Variants in SUPT7L observed in about 807,000 individuals in gnomAD.
SUPT7L encodes STAGA complex 65 subunit gamma.
SUPT7L carries 15 observed loss-of-function variants against 35.7 expected under a neutral mutation model. That is an observed-to-expected ratio of 0.42 (90% CI 0.28 to 0.65). The LOEUF is 0.65. Among genes scored for constraint, SUPT7L ranks in the 30% least tolerant of loss-of-function variants. SUPT7L has a pLI of 0.23. For missense variants in SUPT7L, 434 were observed against 522.2 expected, an observed-to-expected ratio of 0.83 and a Z score of 1.65; for synonymous variants, 168 against 186.2, an observed-to-expected ratio of 0.90 and a Z score of 0.79.
chr2:27,661,692 G>T, intron 2 of SUPT7L: 1 of 1,208,006 alleles, frequency 8.3e-7, no homozygotes, highest in Non-Finnish European at 1.0e-6. Flanking sequence ...GGTAGAATTT[G>T]GGTCATTAGT....
rs777380887 is a variant in SUPT7L, at chr2:27,653,723, AGAG to A, written c.1004_1006del (p.Pro335del). The A allele has an allele frequency of 9.3e-6, 15 of 1,614,098 alleles. No individual in the cohort carries two copies. The East Asian group carries it at 1.3e-4, about 14-fold the overall frequency. On this transcript the variant is annotated inframe_deletion, in exon 6 of 6. Coordinates refer to ENST00000337768, the MANE Select transcript of SUPT7L (RefSeq NM_014860.3). The stretch of plus-strand genomic sequence containing the variant: ...CATTTTCACATGGGCCAGATTCCAA[AGAG>A]GAGAAGCATTTACCTCTGCACCTAG...
At position 27,653,318 on chromosome 2, in the gene SUPT7L, A is replaced by G; in HGVS notation, c.*167T>C. On this transcript the variant is annotated 3_prime_UTR_variant, in exon 6 of 6. Coordinates refer to ENST00000337768, the MANE Select transcript of SUPT7L (RefSeq NM_014860.3). ...GAAAACTATAAAAACTGGATGCAAA[A>G]GTAAAATGCAACCTTGTTTGGTGAC... 1.0e-6 allele frequency: 1 copy of G among 990,892 alleles called. No individual in the cohort carries two copies. Among genetic ancestry groups the G allele is most frequent in the African/African-American group, 1.6e-5 (1 of 61,552 alleles). The allele number at this position is 990,892 out of a possible 1,614,324, so 61.4% of individuals were successfully genotyped here. A position where few individuals can be genotyped will look rare whatever the true frequency, so the allele number is the denominator to read the frequency against.
the SUPT7L span, among the ~76,000 whole-genome samples, chr2:27,642,958 T>TATATAC: frequency 3.4e-3 from 414 of 122,638 alleles, 2 homozygotes; most frequent in African/African-American, 7.6e-3. Flanking sequence ...TATATATATA[T>TATATAC]ACACACACAC....
intron 4 of SUPT7L, among the ~76,000 whole-genome samples, chr2:27,656,163 GAAAA>G (rs1413888027): frequency 6.6e-6 from 1 of 151,842 alleles, no homozygotes; most frequent in Non-Finnish European, 1.5e-5. Context: ...TAAAAAAAGG[GAAAA>G]AAAAGTTGAC....
chr2:27,645,889 C>T (rs532406805), downstream of SUPT7L, among the ~76,000 whole-genome samples: 7 of 151,872 alleles, frequency 4.6e-5, no homozygotes, highest in South Asian at 1.2e-3. Flanking sequence ...GCCACCATGC[C>T]GGGCTAAATT....
At chr2:27,660,746 C>T (rs926258633) in intron 3 of SUPT7L, among the ~76,000 whole-genome samples, 1 of 152,006 alleles carries the variant, frequency 6.6e-6, no homozygotes. Context: ...TACCCTGCTC[C>T]TAGTAAAGTG....
At chr2:27,656,868 G>A (rs1389896890) in intron 4 of SUPT7L, among the ~76,000 whole-genome samples, 1 of 152,192 alleles carries the variant, frequency 6.6e-6, no homozygotes, top group South Asian at 2.1e-4. Context: ...TGAACTCCTG[G>A]CCTCAAGCAA....
At position 27,657,265 on chromosome 2, in the gene SUPT7L, G is replaced by C; in HGVS notation, c.744+80C>G. On this transcript the variant is annotated intron_variant, in intron 4 of 5. Coordinates refer to ENST00000337768, the MANE Select transcript of SUPT7L (RefSeq NM_014860.3). The surrounding 1 kb of genome is among the most constrained non-coding windows in gnomAD (Gnocchi z 5.2). Reference sequence around the variant, plus strand: ...CCAAGACTCTGTGCTCTGCACTCTAGACCAAGTGTTGTGGGATCCTGCTGA... The same window carrying C: ...CCAAGACTCTGTGCTCTGCACTCTACACCAAGTGTTGTGGGATCCTGCTGA... 1 of 1,474,852 alleles carries C rather than the reference G, an allele frequency of 6.8e-7. No homozygotes were observed. Among genetic ancestry groups the C allele is most frequent in the South Asian group, 1.3e-5 (1 of 78,142 alleles). The allele number at this position is 1,474,852 out of a possible 1,614,324, so 91.4% of individuals were successfully genotyped here. A position where few individuals can be genotyped will look rare whatever the true frequency, so the allele number is the denominator to read the frequency against.
rs1674875339 is a variant in SUPT7L, at chr2:27,657,791, C to T, written c.420-122G>A. On this transcript the variant is annotated intron_variant, in intron 3 of 5. Transcript: ENST00000337768. The surrounding 1 kb of genome is among the most constrained non-coding windows in gnomAD (Gnocchi z 5.2). ...GCCTAGCTTTCCAGGGAAATTCCAT[C>T]CAAGTTACATAGCTCAGTTTCATCC... is the stretch of plus-strand genomic sequence containing the variant. 1.1e-6 allele frequency: 1 copy of T among 939,642 alleles called. No homozygotes were observed. Among genetic ancestry groups the T allele is most frequent in the African/African-American group, 1.7e-5 (1 of 59,976 alleles). The allele number at this position is 939,642 out of a possible 1,614,324, so 58.2% of individuals were successfully genotyped here.
At chr2:27,644,845 T>C in the SUPT7L span, among the ~76,000 whole-genome samples, 1 of 151,574 alleles carries the variant, frequency 6.6e-6, no homozygotes, top group Admixed American at 6.6e-5. Flanking sequence ...TGCACCTGGC[T>C]TGTAACAGCG....
At chr2:27,655,647 A>C (rs772582907) in intron 4 of SUPT7L, 45 bp from the exon 5 acceptor site, 2 of 1,507,158 alleles carry the variant, frequency 1.3e-6, no homozygotes, top group Non-Finnish European at 1.8e-6. Context: ...TGTTAAAAGC[A>C]AGTTGGATAG....
Position 27,653,683 on chromosome 2 carries a change from A to G in SUPT7L, c.1047T>C (p.Ser349=). ...CATGCCCAGAGACATTGCCTTCTTC[A>G]CTTTCTTGAGGCTCCATTTTCACAT... ...LAHVKMEPQE[S]EEGNVSGHGV... is the part of the protein sequence containing the mutation. The change falls in exon 6 of 6, where the codon AGT becomes AGC. Residue 349 remains serine, a synonymous_variant. Coordinates refer to ENST00000337768, the MANE Select transcript of SUPT7L (RefSeq NM_014860.3). The G allele has an allele frequency of 6.2e-7, 1 of 1,614,222 alleles. No individual in the cohort carries two copies. The highest frequency in any genetic ancestry group is 1.7e-5 in the Admixed American group (1 of 60,034).
Position 27,655,754 on chromosome 2 carries a change from G to T in SUPT7L, c.745-152C>A, listed in dbSNP as rs151328616. On this transcript the variant is annotated intron_variant, in intron 4 of 5. Coordinates refer to ENST00000337768, the MANE Select transcript of SUPT7L (RefSeq NM_014860.3). ...GGGAGGGATTTGTTTAAGGTGCTGAGTTTGCATTTATGAGTGATAGAGATA... is the reference window on the plus strand; with the variant it reads ...GGGAGGGATTTGTTTAAGGTGCTGATTTTGCATTTATGAGTGATAGAGATA... 583 of 718,342 alleles carry T rather than the reference G, an allele frequency of 8.1e-4. 3 individuals carry two copies. In the African/African-American group the frequency reaches 9.6e-3, roughly 12 times the overall value. 44.5% of individuals were successfully genotyped at this position (718,342 alleles called of 1,614,324 possible). A position where few individuals can be genotyped will look rare whatever the true frequency, so the allele number is the denominator to read the frequency against.
intron 5 of SUPT7L, among the ~76,000 whole-genome samples, chr2:27,654,825 C>CA (rs912512362): frequency 3.3e-5 from 5 of 152,150 alleles, no homozygotes; most frequent in Non-Finnish European, 5.9e-5. Flanking sequence ...CTCAGCCTCC[C>CA]AAAGTGCTGA....
Position 27,657,561 on chromosome 2 carries a change from C to G in SUPT7L, c.528G>C (p.Glu176Asp). 1 of 1,614,256 alleles carries G rather than the reference C, an allele frequency of 6.2e-7. No homozygotes were observed. The highest frequency in any genetic ancestry group is 8.5e-7 in the Non-Finnish European group (1 of 1,180,034). ...LAHAGFDCAN[E>D]SVLETLTDVA... ...CATCAGTTAGGGTCTCCAGGACACT[C>G]TCATTAGCACAGTCAAAGCCCGCGT... The change falls in exon 4 of 6, where the codon GAG becomes GAC. Residue 176 changes from glutamate to aspartate, a missense_variant. Physicochemically the swap from Glu to Asp is conservative, Grantham distance 45. Transcript: ENST00000337768. This position sits in a 1 kb window ranked among gnomAD's most constrained non-coding sequence, Gnocchi z 5.2.
chr2:27,655,730 G>C (rs747551883), intron 4 of SUPT7L, 128 bp from the exon 5 acceptor site: 3 of 809,358 alleles, frequency 3.7e-6, no homozygotes, highest in Non-Finnish European at 5.8e-6. Context: ...ACTGCCAATG[G>C]GAGGGATTTG....
chr2:27,662,730 G>T (rs570129812), intron 1 of SUPT7L, among the ~76,000 whole-genome samples: 1 of 152,268 alleles, frequency 6.6e-6, no homozygotes, highest in East Asian at 1.9e-4. Context: ...CAGGCACACA[G>T]AAATATCTGG....
Position 27,651,503 on chromosome 2 carries a change from TATAAA to T in SUPT7L, c.*1977_*1981del, listed in dbSNP as rs1674549205. 1 of 152,326 alleles carries T rather than the reference TATAAA, an allele frequency of 6.6e-6. No individual in the cohort carries two copies. 9.4% of individuals were successfully genotyped at this position (152,326 alleles called of 1,614,324 possible). Reference sequence around the variant, plus strand: ...TTCTGCAGCAATAAAAGTGTTTTATTATAAAGTATTAATTTTAATGTTCTATACTT... The same window carrying T: ...TTCTGCAGCAATAAAAGTGTTTTATTGTATTAATTTTAATGTTCTATACTT... On this transcript the variant is annotated 3_prime_UTR_variant, in exon 6 of 6. Coordinates refer to ENST00000337768, the MANE Select transcript of SUPT7L (RefSeq NM_014860.3).
In SUPT7L at chr2:27,661,190, C is replaced by T; in HGVS notation, c.213G>A (p.Gln71=). 6.2e-7 allele frequency: 1 copy of T among 1,614,136 alleles called. No individual in the cohort carries two copies. Among genetic ancestry groups the T allele is most frequent in the African/African-American group, 1.3e-5 (1 of 75,038 alleles). ...TAAGGTTGCGAAGACGTCGGTTGTG[C>T]TGAATCAACTGAATCGTATGGATGG... is the stretch of plus-strand genomic sequence containing the variant. ...SLTIHTIQLI[Q]HNRRLRNLIA... Residue 71 remains glutamine, a synonymous_variant, in exon 3 of 6, where the codon CAG becomes CAA. Transcript: ENST00000337768.
Sources: gnomAD v4.1 joint callset for allele counts (sites outside exome capture counted in the v4.1 genomes callset) on GRCh38, gnomAD v4.1.1 for gene constraint, Gnocchi (gnomAD v3.1) non-coding constraint, MANE v1.5 for transcripts, NCBI Gene and HGNC (gene_info 2026-07-23, HGNC 2026-07-21) for gene names.